The following C10orf90 variants were observed in gnomAD, a reference collection of about 807,000 sequenced individuals.
The protein encoded by C10orf90 is (E2-independent) E3 ubiquitin-conjugating enzyme FATS.
Under a neutral mutation model 62.5 loss-of-function variants are expected in C10orf90, and 56 were observed. The observed-to-expected ratio is 0.90, with a 90% CI of 0.72 to 1.12. The LOEUF (loss-of-function observed/expected upper bound fraction) is 1.12. C10orf90 is among the 50% of genes most tolerant of loss of function. The probability of loss-of-function intolerance (pLI) is 0.00; values close to 1 mark genes in which losing one functional copy is unlikely to be tolerated. For synonymous variants in C10orf90, 386 were observed against 340.4 expected, an observed-to-expected ratio of 1.13 and a Z score of -1.47; for missense variants, 970 against 880.4, an observed-to-expected ratio of 1.10 and a Z score of -1.29.
chr10:126,466,296 G>A (rs1036627163), intron 4 of C10orf90, among the ~76,000 whole-genome samples: 5 of 151,924 alleles, frequency 3.3e-5, no homozygotes, highest in Non-Finnish European at 5.9e-5. Context: ...GGTGGATCAC[G>A]AGGTCAGGAG....
chr10:126,542,641 C>T lies in C10orf90; in HGVS notation c.314-28702G>A, dbSNP rs190705098. 5.5e-4 allele frequency among the ~76,000 whole-genome samples: 83 copies of T among 152,242 alleles called. No homozygotes were observed. In the East Asian group the frequency reaches 0.01, roughly 19 times the overall value. ...TTAAAACAGTTAATTTCGTATTATA[C>T]GAATTTTAACTCAATTAAAAAAGCA... On this transcript the variant is annotated intron_variant, in intron 2 of 9. Transcript: ENST00000488181.
rs115887138 is a variant in C10orf90, at chr10:126,525,762, C to T, written c.314-11823G>A. 4.9e-3 allele frequency among the ~76,000 whole-genome samples: 742 copies of T among 152,234 alleles called. 3 individuals carry two copies. The highest frequency in any genetic ancestry group is 0.017 in the African/African-American group (707 of 41,506). On this transcript the variant is annotated intron_variant, in intron 2 of 9. Transcript: ENST00000488181. ...CAAAGTGGCCTCTCTACAGAACTCT[C>T]CAACGGCTTATCAGCAAAGCCAGAC...
intron 2 of C10orf90, among the ~76,000 whole-genome samples, chr10:126,616,011 G>A (rs1398520227): frequency 1.3e-5 from 2 of 152,230 alleles, no homozygotes; most frequent in Non-Finnish European, 2.9e-5. Flanking sequence ...CGTGTCCCCT[G>A]CAATGGCTAG....
intron 2 of C10orf90, among the ~76,000 whole-genome samples, chr10:126,563,343 G>A (rs1429593722): frequency 6.6e-6 from 1 of 152,174 alleles, no homozygotes; most frequent in Non-Finnish European, 1.5e-5. Context: ...AAGATGCAGT[G>A]AAATAGATCC....
intron 1 of C10orf90, among the ~76,000 whole-genome samples, chr10:126,651,395 A>G (rs1193142383): frequency 6.6e-6 from 1 of 152,142 alleles, no homozygotes; most frequent in East Asian, 1.9e-4. Flanking sequence ...AAATTCATAC[A>G]TTTTATTAAT....
chr10:126,489,147 C>T (rs78766530), intron 4 of C10orf90, among the ~76,000 whole-genome samples: 2,274 of 151,844 alleles, frequency 0.015, 60 homozygotes, highest in African/African-American at 0.052. Flanking sequence ...AAATAGAATC[C>T]GGCAATATAT....
At chr10:126,498,704 C>G (rs1862214569) in intron 4 of C10orf90, among the ~76,000 whole-genome samples, 1 of 152,222 alleles carries the variant, frequency 6.6e-6, no homozygotes, top group East Asian at 1.9e-4. Flanking sequence ...TAGGAATTGG[C>G]TGACTGAAGA....
At chr10:126,632,385 ATAGGACCTCCATCT>A (rs1467541396) in intron 2 of C10orf90, among the ~76,000 whole-genome samples, 2 of 152,020 alleles carry the variant, frequency 1.3e-5, no homozygotes, top group Admixed American at 6.5e-5. Flanking sequence ...TGAGGGAGAA[ATAGGACCTCCATCT>A]TAGGCATGAG....
rs150405594 is a variant in C10orf90 at position 126,509,587 on chromosome 10, C to T, written c.405+4261G>A. Among the ~76,000 whole-genome samples the T allele has an allele frequency of 7.7e-4, 118 of 152,310 alleles. 2 individuals carry two copies. Among genetic ancestry groups the T allele is most frequent in the Middle Eastern group, 6.8e-3 (2 of 294 alleles). On this transcript the variant is annotated intron_variant, in intron 3 of 9. Coordinates refer to ENST00000488181, the MANE Select transcript of C10orf90 (RefSeq NM_001350921.2). The stretch of plus-strand genomic sequence containing the variant: ...ATTCTGTTATTCATACATACAGTCA[C>T]GGTCAAACTCTTTAACTGTGCATTC...
At position 126,442,795 on chromosome 10, in the gene C10orf90, A is replaced by G. The variant is rs11528576; in HGVS notation, c.2189-12945T>C. The stretch of plus-strand genomic sequence containing the variant: ...AACCTCAATAAATTTAAGACAATTG[A>G]AATTATATCAAGACTCTCTCAGACC... On this transcript the variant is annotated intron_variant, in intron 7 of 9. Coordinates refer to ENST00000488181, the MANE Select transcript of C10orf90 (RefSeq NM_001350921.2). Among the ~76,000 whole-genome samples the G allele has an allele frequency of 5.7e-4, 86 of 150,886 alleles. 1 individual carries two copies. The East Asian group carries it at 0.012, about 21-fold the overall frequency.
At chr10:126,430,141 T>C (rs1405626256) in intron 7 of C10orf90, among the ~76,000 whole-genome samples, 2 of 152,220 alleles carry the variant, frequency 1.3e-5, no homozygotes, top group African/African-American at 2.4e-5. Flanking sequence ...AACAGAGTCA[T>C]GGTTTTCTGA....
intron 4 of C10orf90, among the ~76,000 whole-genome samples, chr10:126,494,259 C>T (rs1467492003): frequency 2.0e-5 from 3 of 152,152 alleles, no homozygotes; most frequent in African/African-American, 7.2e-5. Context: ...AGTAAAACTG[C>T]ATAAATTTCC....
chr10:126,627,967 A>G (rs750807740), intron 2 of C10orf90, among the ~76,000 whole-genome samples: 1 of 152,264 alleles, frequency 6.6e-6, no homozygotes, highest in Non-Finnish European at 1.5e-5. Flanking sequence ...TTCTCCGAAT[A>G]TGAGAAAACT....
At chr10:126,538,609 CT>C (rs546125387) in intron 2 of C10orf90, among the ~76,000 whole-genome samples, 155 of 152,326 alleles carry the variant, frequency 1.0e-3, no homozygotes, top group Non-Finnish European at 2.0e-3. Context: ...TAGGTGTATC[CT>C]TTCCCCTTCT....
intron 2 of C10orf90, among the ~76,000 whole-genome samples, chr10:126,527,451 C>T (rs537254117): frequency 1.3e-5 from 2 of 152,246 alleles, no homozygotes; most frequent in Non-Finnish European, 1.5e-5. Flanking sequence ...TGCTTAATGA[C>T]GCCTCCCTAC....
chr10:126,526,023 AACACACACACACACAC>A (rs3040780), intron 2 of C10orf90, among the ~76,000 whole-genome samples: 2 of 138,962 alleles, frequency 1.4e-5, no homozygotes, highest in South Asian at 2.4e-4. Context: ...CACCTGCCAC[AACACACACACACACAC>A]ACACACACAC....
chr10:126,526,005 C>G (rs1322777082), intron 2 of C10orf90, among the ~76,000 whole-genome samples: 1 of 147,224 alleles, frequency 6.8e-6, no homozygotes, highest in Admixed American at 6.9e-5. Flanking sequence ...GCCTAAATAG[C>G]TTGTCCACAC....
At chr10:126,658,941 T>C (rs1591181149) in intron 1 of C10orf90, among the ~76,000 whole-genome samples, 1 of 152,194 alleles carries the variant, frequency 6.6e-6, no homozygotes, top group Non-Finnish European at 1.5e-5. Context: ...TTCGCAAGCT[T>C]CCTCCAGATT....
chr10:126,517,879 C>T (rs1232831316), intron 2 of C10orf90, among the ~76,000 whole-genome samples: 1 of 145,530 alleles, frequency 6.9e-6, no homozygotes, highest in African/African-American at 2.5e-5. Context: ...CATCGCACTC[C>T]AGCCTGGCAA....
Sources: allele counts gnomAD v4.1 joint callset (sites outside exome capture counted in the v4.1 genomes callset), GRCh38; gene constraint gnomAD v4.1.1; transcripts MANE v1.5; gene names NCBI Gene and HGNC (gene_info 2026-07-23, HGNC 2026-07-21).